FGD6: variants seen among roughly 807,000 people sequenced by gnomAD.
FGD6 encodes the protein FYVE, RhoGEF and PH domain containing 6, also known as FYVE, RhoGEF and PH domain-containing protein 6.
Under a neutral mutation model 149.4 loss-of-function variants are expected in FGD6, and 90 were observed. That is an observed-to-expected ratio of 0.60 (90% confidence interval 0.51 to 0.72). The LOEUF (loss-of-function observed/expected upper bound fraction) is 0.72. Among genes scored for constraint, FGD6 ranks in the 30% least tolerant of loss-of-function variants. FGD6 has a pLI of 0.00. For synonymous variants in FGD6, 527 were observed against 584.0 expected (o/e 0.90, Z 1.41); for missense variants, 1,437 against 1,684.8 (o/e 0.85, Z 2.57).
chr12:95,156,836 G>T (rs920229347), intron 3 of FGD6, among the ~76,000 whole-genome samples: 1 of 152,088 alleles, frequency 6.6e-6, no homozygotes, highest in Non-Finnish European at 1.5e-5. Context: ...TAGGGAAAAT[G>T]AAAACAACCT....
At chr12:95,105,891 T>C (rs1381431645) in intron 13 of FGD6, among the ~76,000 whole-genome samples, 1 of 151,992 alleles carries the variant, frequency 6.6e-6, no homozygotes, top group African/African-American at 2.4e-5. Flanking sequence ...GAGCCTGTAG[T>C]CCCATCTACT....
chr12:95,168,017 G>A (rs1029502505), intron 3 of FGD6, among the ~76,000 whole-genome samples: 1 of 151,816 alleles, frequency 6.6e-6, no homozygotes, highest in Non-Finnish European at 1.5e-5. Context: ...TTTATATGTT[G>A]ACAACCTGAT....
chr12:95,150,562 T>G (rs919991618), intron 5 of FGD6, among the ~76,000 whole-genome samples: 3 of 152,002 alleles, frequency 2.0e-5, no homozygotes, highest in African/African-American at 7.2e-5. Flanking sequence ...ATAATTTATA[T>G]GAAATGACAG....
chr12:95,217,228 C>T lies in FGD6; in HGVS notation c.13G>A (p.Ala5Thr), dbSNP rs762631794. The part of the protein sequence containing the change: MTSA[A>T]EIKKPPVAPK... ...CAGCGCGAGCGCCGTCACTTACCGG[C>T]TGCAGAAGTCATGATTCCCCGGTGC... Residue 5 changes from alanine to threonine, a missense_variant, in exon 1 of 21, where the codon GCC (alanine) becomes ACC (threonine). Physicochemically the swap from Ala to Thr is moderately conservative, Grantham distance 58. Transcript: ENST00000343958. 1 of 1,612,342 alleles carries T rather than the reference C, an allele frequency of 6.2e-7. No individual in the cohort carries two copies. The highest frequency in any genetic ancestry group is 1.1e-5 in the South Asian group (1 of 90,958).
At chr12:95,186,228 CTTTTTTTTTTTTTT>C (rs1174763781) in intron 2 of FGD6, among the ~76,000 whole-genome samples, 6 of 38,936 alleles carry the variant, frequency 1.5e-4, no homozygotes, top group East Asian at 7.0e-4. Context: ...TATTCTTCTT[CTTTTTTTTTTTTTT>C]TTTTTTTTTT....
At chr12:95,091,669 TA>T in intron 17 of FGD6, 37 bp downstream of exon 17, 1 of 1,482,758 alleles carries the variant, frequency 6.7e-7, no homozygotes, top group African/African-American at 1.4e-5. Flanking sequence ...ATCTGGGGAA[TA>T]AAGGAATTTT....
intron 9 of FGD6, among the ~76,000 whole-genome samples, chr12:95,111,272 C>T (rs189426813): frequency 2.6e-4 from 39 of 152,292 alleles, no homozygotes; most frequent in Middle Eastern, 3.4e-3. Context: ...TGAGCCACCA[C>T]GCCCGGCCAC....
In FGD6 at chr12:95,186,225, CTTCTTTTTTTTTTTTTTTTTT is replaced by C. The variant is rs1407994665; in HGVS notation, c.2442-13502_2442-13482del. On this transcript the variant is annotated intron_variant, in intron 2 of 20. Transcript: ENST00000343958. ...AGCTAAGAATGCTTCTTATATTCTTCTTCTTTTTTTTTTTTTTTTTTTTTTTTTTTTTTTTTTTTTTGAGAC... is the reference window on the plus strand; with the variant it reads ...AGCTAAGAATGCTTCTTATATTCTTCTTTTTTTTTTTTTTTTTTTTGAGAC... Among the ~76,000 whole-genome samples, 22 of 71,186 alleles carry C rather than the reference CTTCTTTTTTTTTTTTTTTTTT, an allele frequency of 3.1e-4. 1 individual carries two copies. The highest frequency in any genetic ancestry group is 1.4e-3 in the East Asian group (3 of 2,076). 46.7% of individuals were successfully genotyped at this position (71,186 alleles called of 152,430 possible).
intron 3 of FGD6, among the ~76,000 whole-genome samples, chr12:95,167,918 T>C (rs1880869463): frequency 6.6e-6 from 1 of 152,200 alleles, no homozygotes; most frequent in Admixed American, 6.5e-5. Context: ...AGGTCTATAA[T>C]CCATTTTGAG....
chr12:95,168,440 G>A (rs1322948963), intron 3 of FGD6, among the ~76,000 whole-genome samples: 45 of 152,194 alleles, frequency 3.0e-4, no homozygotes, highest in Admixed American at 2.9e-3. Flanking sequence ...AATGTGGGCA[G>A]ATAACCTGAG....
At position 95,092,728 on chromosome 12, in the gene FGD6, T is replaced by G. The variant is rs745715214; in HGVS notation, c.3718A>C (p.Arg1240=). ...ICTSEFTLTW[R]RHHCRACGKI... ...CCACAGGCCCGGCAGTGGTGTCGTC[T>G]CCAGGTGAGAGTGAATTCGCTTGTG... The change falls in exon 16 of 21, where the codon AGA becomes CGA. Residue 1240 remains arginine (R), a synonymous_variant. Coordinates refer to ENST00000343958, the MANE Select transcript of FGD6 (RefSeq NM_018351.4). The G allele has an allele frequency of 6.2e-7, 1 of 1,614,128 alleles. No homozygotes were observed. Among genetic ancestry groups the G allele is most frequent in the Non-Finnish European group, 8.5e-7 (1 of 1,180,028 alleles).
At chr12:95,156,084 A>T (rs10777669) in intron 3 of FGD6, among the ~76,000 whole-genome samples, 133,346 of 152,098 alleles carry the variant, frequency 0.88, 58,790 homozygotes, top group African/African-American at 0.96. Flanking sequence ...GGACCCTGTG[A>T]TGATTGTGTT....
intron 2 of FGD6, among the ~76,000 whole-genome samples, chr12:95,196,439 C>T (rs1881738355): frequency 6.6e-6 from 1 of 151,946 alleles, no homozygotes; most frequent in Non-Finnish European, 1.5e-5. Context: ...ACTATGTTGG[C>T]CAGGCTGGTC....
In FGD6 at chr12:95,134,620, T is replaced by G. The variant is rs1469945733; in HGVS notation, c.3082+119A>C. On this transcript the variant is annotated intron_variant, in intron 8 of 20. Coordinates refer to ENST00000343958, the MANE Select transcript of FGD6 (RefSeq NM_018351.4). ...ATAAGCAATCTACAAATCCACGTAT[T>G]AGGCAACGTGGTGACGGGGGTGATA... 4 of 828,744 alleles carry G rather than the reference T, an allele frequency of 4.8e-6. No homozygotes were observed. In the African/African-American group the frequency reaches 6.7e-5, roughly 14 times the overall value. 51.3% of individuals were successfully genotyped at this position (828,744 alleles called of 1,614,324 possible).
At chr12:95,186,519 A>G (rs7310664) in intron 2 of FGD6, among the ~76,000 whole-genome samples, 11,817 of 64,348 alleles carry the variant, frequency 0.18, 719 homozygotes, top group Admixed American at 0.23. Flanking sequence ...TTCTTAAATC[A>G]TGAAAAAAAA....
chr12:95,208,611 T>C (rs2056705097), intron 2 of FGD6, among the ~76,000 whole-genome samples: 1 of 152,236 alleles, frequency 6.6e-6, no homozygotes, highest in Non-Finnish European at 1.5e-5. Flanking sequence ...ACATTGCCAC[T>C]GGTTCAAATT....
chr12:95,133,431 C>A (rs552384786), intron 8 of FGD6, among the ~76,000 whole-genome samples: 5 of 152,292 alleles, frequency 3.3e-5, no homozygotes, highest in African/African-American at 1.2e-4. Context: ...CGTGAGCAGT[C>A]TGTCACTAGG....
intron 7 of FGD6, 127 bp from the exon 8 acceptor site, chr12:95,134,953 C>A (rs1879625892): frequency 1.5e-6 from 1 of 685,320 alleles, no homozygotes; most frequent in African/African-American, 1.8e-5. Context: ...GAGAGGCTCC[C>A]TTTTATTTTA....
At position 95,113,701 on chromosome 12, in the gene FGD6, T is replaced by C; in HGVS notation, c.3083A>G (p.Asp1028Gly). ...ATCTTCTATGAGATTCTTCAAATAATCTAGAAAAGAAGAAAAAAAAGTATT... is the reference window on the plus strand; with the variant it reads ...ATCTTCTATGAGATTCTTCAAATAACCTAGAAAAGAAGAAAAAAAAGTATT... Reference protein sequence around the residue: ...RIPQYRLLLTDYLKNLIEDAG... With the variant: ...RIPQYRLLLTGYLKNLIEDAG... Residue 1028 changes from aspartate to glycine, a missense_variant and splice_region_variant, in exon 9 of 21, where the codon GAT becomes GGT. Asp to Gly is a moderately conservative substitution (Grantham distance 94, BLOSUM62 -1). Transcript: ENST00000343958. The C allele has an allele frequency of 6.3e-7, 1 of 1,579,292 alleles. No homozygotes were observed. Among genetic ancestry groups the C allele is most frequent in the Non-Finnish European group, 8.6e-7 (1 of 1,161,112 alleles).
Sources: gnomAD v4.1 joint callset for allele counts (sites outside exome capture counted in the v4.1 genomes callset) on GRCh38, gnomAD v4.1.1 for gene constraint, MANE v1.5 for transcripts, NCBI Gene and HGNC (gene_info 2026-07-23, HGNC 2026-07-21) for gene names.